The following AGBL3 variants were observed in gnomAD, a reference collection of about 807,000 sequenced individuals.
AGBL3 encodes AGBL carboxypeptidase 3, also known as cytosolic carboxypeptidase 3.
In AGBL3, 68 loss-of-function variants were observed where a neutral mutation model predicts 94.5. The observed-to-expected ratio is 0.72, with a 90% CI of 0.59 to 0.88. The LOEUF (loss-of-function observed/expected upper bound fraction) is 0.88, where lower values mean the gene tolerates loss of function less well. Ranked by LOEUF, AGBL3 falls within the 40% of genes least tolerant of loss-of-function variation. The pLI is 0.00. For synonymous variants in AGBL3, 354 were observed against 370.7 expected, an observed-to-expected ratio of 0.95 and a Z score of 0.52; for missense variants, 934 against 1,103.8, an observed-to-expected ratio of 0.85 and a Z score of 2.18.
At chr7:135,129,245 G>A in intron 16 of AGBL3, 1 of 1,508,926 alleles carries the variant, frequency 6.6e-7, no homozygotes, top group Non-Finnish European at 9.2e-7. Flanking sequence ...GCTACATCAT[G>A]GGTATCTGCT....
intron 15 of AGBL3, among the ~76,000 whole-genome samples, chr7:135,109,070 T>C (rs1266699444): frequency 6.6e-6 from 1 of 152,208 alleles, no homozygotes. Flanking sequence ...GCCTATTTTG[T>C]TTGTCAGCTC....
chr7:135,089,475 C>G (rs1290242110), intron 15 of AGBL3, among the ~76,000 whole-genome samples: 4 of 152,214 alleles, frequency 2.6e-5, no homozygotes, highest in Non-Finnish European at 5.9e-5. Flanking sequence ...GGTGGAATGA[C>G]TGTCCCTTCC....
At chr7:135,004,400 C>T (rs1235775006) in intron 4 of AGBL3, among the ~76,000 whole-genome samples, 2 of 151,420 alleles carry the variant, frequency 1.3e-5, no homozygotes, top group East Asian at 1.9e-4. Context: ...TTTTCTAGCT[C>T]ATGTACATTT....
chr7:135,128,308 AAAAAAAAAAAACG>A, intron 16 of AGBL3: 1 of 247,362 alleles, frequency 4.0e-6, no homozygotes, highest in African/African-American at 2.3e-5. Flanking sequence ...AAAAAAAAAA[AAAAAAAAAAAACG>A]AAAAAAAAAA....
chr7:134,993,800 C>T, intron 4 of AGBL3, 122 bp downstream of exon 4: 1 of 805,408 alleles, frequency 1.2e-6, no homozygotes, highest in Non-Finnish European at 1.7e-6. Context: ...TAACATGAGC[C>T]ACATAATGTA....
chr7:135,105,361 C>A (rs7357324), intron 15 of AGBL3, among the ~76,000 whole-genome samples: 1 of 152,032 alleles, frequency 6.6e-6, no homozygotes, highest in East Asian at 1.9e-4. Context: ...TAGGCCACTG[C>A]GCCCAACCTA....
chr7:135,074,388 T>A (rs1820257173), intron 12 of AGBL3, among the ~76,000 whole-genome samples: 1 of 151,924 alleles, frequency 6.6e-6, no homozygotes, highest in Non-Finnish European at 1.5e-5. Flanking sequence ...GAACTGAGAG[T>A]GGGTAGGATT....
chr7:135,010,834 A>G (rs1813055460), intron 4 of AGBL3: 1 of 152,236 alleles, frequency 6.6e-6, no homozygotes, highest in Non-Finnish European at 1.5e-5. Flanking sequence ...ACCTAAGTAA[A>G]TAGAGGGAAA....
chr7:135,009,341 T>C (rs535224985), intron 4 of AGBL3, among the ~76,000 whole-genome samples: 1 of 152,276 alleles, frequency 6.6e-6, no homozygotes, highest in South Asian at 2.1e-4. Flanking sequence ...TGGATGAACT[T>C]TGAAAACATT....
intron 16 of AGBL3, 127 bp from the exon 17 acceptor site, chr7:135,134,714 T>G (rs11765077): frequency 0.5 from 444,269 of 881,074 alleles, 115,294 homozygotes; most frequent in South Asian, 0.66. Context: ...GATGGTAAAA[T>G]TCTTAAACTT....
At chr7:135,071,812 G>C (rs1018141392) in intron 12 of AGBL3, among the ~76,000 whole-genome samples, 1 of 152,140 alleles carries the variant, frequency 6.6e-6, no homozygotes, top group Non-Finnish European at 1.5e-5. Flanking sequence ...AAAAACCCTA[G>C]AAGAAAACCT....
chr7:135,056,728 G>T (rs955528277), intron 11 of AGBL3, among the ~76,000 whole-genome samples: 2 of 152,058 alleles, frequency 1.3e-5, no homozygotes, highest in Admixed American at 6.6e-5. Context: ...TCTGAGGAAA[G>T]AAATCAAAGA....
rs552665313 is a variant in AGBL3 at position 135,135,008 on chromosome 7, A to G, written c.2510A>G (p.Lys837Arg). ...LESLSPLKGP[K>R]KNKHSQIWAI... Reference sequence around the variant, plus strand: ...AGTTTATCACCTCTCAAAGGCCCCAAGAAGAATAAACATTCTCAAATCTGG... The same window carrying G: ...AGTTTATCACCTCTCAAAGGCCCCAGGAAGAATAAACATTCTCAAATCTGG... The change falls in exon 17 of 17, where the codon AAG becomes AGG. Residue 837 changes from lysine (K) to arginine (R), a missense_variant. Around this residue, in one of 3 missense-constraint regions of AGBL3, gnomAD observed 441 missense variants for 518.2 expected, o/e 0.85. Coordinates refer to ENST00000436302, the MANE Select transcript of AGBL3 (RefSeq NM_178563.4). 229 of 1,551,226 alleles carry G rather than the reference A, an allele frequency of 1.5e-4. No homozygotes were observed. In the South Asian group the frequency reaches 2.4e-3, roughly 16 times the overall value.
chr7:135,070,223 G>T (rs1819757798), intron 12 of AGBL3, among the ~76,000 whole-genome samples: 1 of 152,178 alleles, frequency 6.6e-6, no homozygotes. Context: ...TGAAATGGAG[G>T]CAATAATTAA....
chr7:134,996,853 C>T (rs1342092009), intron 4 of AGBL3, among the ~76,000 whole-genome samples: 2 of 152,114 alleles, frequency 1.3e-5, no homozygotes, highest in Non-Finnish European at 2.9e-5. Context: ...GTCATAAAAG[C>T]AAATAGTTTA....
chr7:135,095,516 T>C (rs1023335250), intron 15 of AGBL3, among the ~76,000 whole-genome samples: 14 of 152,156 alleles, frequency 9.2e-5, no homozygotes, highest in Non-Finnish European at 2.1e-4. Context: ...TAAAACCCCA[T>C]AGTAAAGGCC....
At chr7:135,096,598 TAG>T (rs1822833491) in intron 15 of AGBL3, among the ~76,000 whole-genome samples, 3 of 115,872 alleles carry the variant, frequency 2.6e-5, no homozygotes, top group African/African-American at 9.1e-5. Flanking sequence ...GATAGATAGA[TAG>T]ATAGATAGAT....
chr7:135,026,560 C>T (rs2116360629), intron 5 of AGBL3, among the ~76,000 whole-genome samples: 1 of 151,726 alleles, frequency 6.6e-6, no homozygotes, highest in African/African-American at 2.4e-5. Flanking sequence ...TGGGCGTAAG[C>T]CACCATGCCC....
In AGBL3 at chr7:135,014,265, G is replaced by C. The variant is rs112559772; in HGVS notation, c.311-2787G>C. Reference sequence around the variant, plus strand: ...ATACCTATTTCTGCATAATGAGATTGTGGATTTTTTTCTTTTTGCTTAAGC... The same window carrying C: ...ATACCTATTTCTGCATAATGAGATTCTGGATTTTTTTCTTTTTGCTTAAGC... On this transcript the variant is annotated intron_variant, in intron 4 of 16. Transcript: ENST00000436302. Among the ~76,000 whole-genome samples, 197 of 144,806 alleles carry C rather than the reference G, an allele frequency of 1.4e-3. 4 individuals carry two copies. Among genetic ancestry groups the C allele is most frequent in the African/African-American group, 4.9e-3 (193 of 39,174 alleles). The allele number at this position is 144,806 out of a possible 152,430, so 95.0% of individuals were successfully genotyped here. A position where few individuals can be genotyped will look rare whatever the true frequency, so the allele number is the denominator to read the frequency against.
Sources: allele counts gnomAD v4.1 joint callset (sites outside exome capture counted in the v4.1 genomes callset), GRCh38; gene constraint gnomAD v4.1.1; regional missense constraint gnomAD v4.1.1; transcripts MANE v1.5; gene names NCBI Gene and HGNC (gene_info 2026-07-23, HGNC 2026-07-21).